The following OPRM1 variants were observed in gnomAD, a reference collection of about 807,000 sequenced individuals.
OPRM1 encodes the protein mu-type opioid receptor.
OPRM1 carries 27 observed loss-of-function variants against 31.8 expected under a neutral mutation model. The observed-to-expected ratio is 0.85, with a 90% CI of 0.63 to 1.17. The LOEUF (loss-of-function observed/expected upper bound fraction) is 1.17, where lower values mean the gene tolerates loss of function less well. Among genes scored for constraint, OPRM1 ranks in the 50% most tolerant of loss-of-function variants. OPRM1 has a pLI of 0.00. For synonymous variants in OPRM1, 196 were observed against 189.9 expected, an observed-to-expected ratio of 1.03 and a Z score of -0.26; for missense variants, 536 against 511.1, an observed-to-expected ratio of 1.05 and a Z score of -0.47.
At chr6:154,238,437 A>G (rs758456263) in intron 3 of OPRM1, among the ~76,000 whole-genome samples, 2 of 151,772 alleles carry the variant, frequency 1.3e-5, no homozygotes, top group Non-Finnish European at 1.5e-5. Flanking sequence ...GTATATATAT[A>G]TATATTTTAA....
chr6:154,231,962 T>C (rs1408492635), intron 3 of OPRM1, among the ~76,000 whole-genome samples: 8 of 152,236 alleles, frequency 5.3e-5, no homozygotes, highest in Non-Finnish European at 1.0e-4. Flanking sequence ...ACTTAAGAAC[T>C]TTGACTATAC....
intron 3 of OPRM1, among the ~76,000 whole-genome samples, chr6:154,205,803 T>C (rs984669655): frequency 6.6e-6 from 1 of 152,108 alleles, no homozygotes; most frequent in African/African-American, 2.4e-5. Context: ...TAAAATCAAA[T>C]GCTATCATAT....
intron 3 of OPRM1, among the ~76,000 whole-genome samples, chr6:154,106,125 AT>A (rs201046328): frequency 0.019 from 2,908 of 152,282 alleles, 100 homozygotes; most frequent in African/African-American, 0.064. Context: ...AAATCTTTAG[AT>A]TTTTTTCTTA....
At position 154,119,014 on chromosome 6, in the gene OPRM1, G is replaced by A; in HGVS notation, c.*293G>A. 8.7e-7 allele frequency: 1 copy of A among 1,150,326 alleles called. No individual in the cohort carries two copies. The highest frequency in any genetic ancestry group is 1.1e-6 in the Non-Finnish European group (1 of 935,186). The allele number at this position is 1,150,326 out of a possible 1,614,324, so 71.3% of individuals were successfully genotyped here. On this transcript the variant is annotated 3_prime_UTR_variant, in exon 4 of 4. Coordinates refer to ENST00000330432, the MANE Select transcript of OPRM1 (RefSeq NM_000914.5). ...ATGTGAATTGAAGTCATCATAAAAG[G>A]TGACCCTTCTGTCTGTAAGATTTTA... is the stretch of plus-strand genomic sequence containing the variant.
intron 3 of OPRM1, among the ~76,000 whole-genome samples, chr6:154,197,828 T>G (rs541050424): frequency 1.1e-4 from 17 of 151,880 alleles, no homozygotes; most frequent in African/African-American, 3.6e-4. Context: ...TCCTGGGGGG[T>G]GTGTGTGTGT....
intron 1 of OPRM1, among the ~76,000 whole-genome samples, chr6:154,062,413 C>T (rs1397951646): frequency 6.6e-6 from 1 of 151,986 alleles, no homozygotes; most frequent in Non-Finnish European, 1.5e-5. Flanking sequence ...ACCTGTATTG[C>T]ACTATAAGAC....
chr6:154,146,262 C>T (rs756791717), intron 3 of OPRM1, among the ~76,000 whole-genome samples: 45 of 152,246 alleles, frequency 3.0e-4, no homozygotes, highest in Middle Eastern at 3.4e-3. Context: ...CAGCTGAGCG[C>T]GGTGGCGGGC....
intron 1 of OPRM1, among the ~76,000 whole-genome samples, chr6:154,047,884 T>C (rs899063112): frequency 6.6e-6 from 1 of 152,222 alleles, no homozygotes; most frequent in African/African-American, 2.4e-5. Context: ...GAGTTCATGA[T>C]GAAAGCACCA....
chr6:154,077,708 G>T (rs1393927984), intron 1 of OPRM1, among the ~76,000 whole-genome samples: 1 of 151,866 alleles, frequency 6.6e-6, no homozygotes, highest in African/African-American at 2.4e-5. Flanking sequence ...TCCAGCCTGG[G>T]CGACAAAGTG....
rs149991738 is a variant in OPRM1, at chr6:154,126,619, C to G, written c.*7898C>G. ...TCACCACCCTACACTGCTGTGACAC[C>G]GAAACAACCAAGCCTAGAATCAGCT... On this transcript the variant is annotated 3_prime_UTR_variant, in exon 4 of 4. Coordinates refer to ENST00000330432, the MANE Select transcript of OPRM1 (RefSeq NM_000914.5). Among the ~76,000 whole-genome samples, 2 of 152,076 alleles carry G rather than the reference C, an allele frequency of 1.3e-5. No homozygotes were observed. Among genetic ancestry groups the G allele is most frequent in the African/African-American group, 2.4e-5 (1 of 41,390 alleles).
At chr6:154,214,323 C>G (rs781240498) in intron 3 of OPRM1, 1 of 1,287,940 alleles carries the variant, frequency 7.8e-7, no homozygotes, top group South Asian at 1.2e-5. Flanking sequence ...GATTAGCCCC[C>G]CACCCATTCA....
Position 154,119,264 on chromosome 6 carries a change from T to C in OPRM1, c.*543T>C. The C allele has an allele frequency of 1.0e-6, 1 of 985,586 alleles. No individual in the cohort carries two copies. The highest frequency in any genetic ancestry group is 1.2e-6 in the Non-Finnish European group (1 of 829,806). The allele number at this position is 985,586 out of a possible 1,614,324, so 61.1% of individuals were successfully genotyped here. On this transcript the variant is annotated 3_prime_UTR_variant, in exon 4 of 4. Transcript: ENST00000330432. ...AGGCATCATTTTCACCTCCATTTCT[T>C]GGTTTTGTATTGTTTAAAAAAATAA...
intron 3 of OPRM1, among the ~76,000 whole-genome samples, chr6:154,143,662 G>A (rs975820610): frequency 9.9e-5 from 15 of 152,206 alleles, no homozygotes; most frequent in East Asian, 3.8e-4. Context: ...GAGGTAGGAC[G>A]TTTAAGAGGT....
intron 1 of OPRM1, among the ~76,000 whole-genome samples, chr6:154,012,146 ATAAT>A (rs1325103635): frequency 1.3e-5 from 2 of 152,204 alleles, no homozygotes; most frequent in African/African-American, 4.8e-5. Flanking sequence ...TATGGGCTAA[ATAAT>A]AGAAGTGTAA....
chr6:154,077,764 A>G (rs1788195732), intron 1 of OPRM1, among the ~76,000 whole-genome samples: 1 of 151,988 alleles, frequency 6.6e-6, no homozygotes, highest in South Asian at 2.1e-4. Flanking sequence ...AATTAACTAA[A>G]ACAAAAGAAA....
chr6:154,189,141 T>C (rs1265523507), intron 3 of OPRM1, among the ~76,000 whole-genome samples: 2 of 152,100 alleles, frequency 1.3e-5, no homozygotes, highest in East Asian at 1.9e-4. Context: ...AAAACACCTA[T>C]AAAGGTATGG....
chr6:154,208,088 C>T (rs1253651724), intron 3 of OPRM1, among the ~76,000 whole-genome samples: 1 of 151,498 alleles, frequency 6.6e-6, no homozygotes, highest in Non-Finnish European at 1.5e-5. Context: ...AGATTGGGGG[C>T]TCCATTTGAA....
intron 3 of OPRM1, among the ~76,000 whole-genome samples, chr6:154,193,850 A>G (rs868586130): frequency 2.0e-5 from 3 of 152,208 alleles, no homozygotes; most frequent in Non-Finnish European, 4.4e-5. Flanking sequence ...TTTTCTTCCA[A>G]TGCTGTTTTC....
intron 1 of OPRM1, among the ~76,000 whole-genome samples, chr6:154,033,895 T>C (rs1269617194): frequency 6.6e-6 from 1 of 152,188 alleles, no homozygotes; most frequent in Non-Finnish European, 1.5e-5. Context: ...TTTGCACAAA[T>C]GAGGCATAAG....
Sources: allele counts gnomAD v4.1 joint callset (sites outside exome capture counted in the v4.1 genomes callset), GRCh38; gene constraint gnomAD v4.1.1; transcripts MANE v1.5; gene names NCBI Gene and HGNC (gene_info 2026-07-23, HGNC 2026-07-21).